TYW1B: variants seen among roughly 807,000 people sequenced by gnomAD.
TYW1B encodes the protein S-adenosyl-L-methionine-dependent tRNA 4-demethylwyosine synthase TYW1B.
In TYW1B, 73 loss-of-function variants were observed where a neutral mutation model predicts 86.9. That is an observed-to-expected ratio of 0.84 (90% CI 0.70 to 1.02). The LOEUF (loss-of-function observed/expected upper bound fraction) is 1.02. TYW1B is among the 50% of genes least tolerant of loss of function. The pLI, the probability that TYW1B is intolerant of heterozygous loss-of-function variation, is 0.00. For synonymous variants in TYW1B, 248 were observed against 292.8 expected, an observed-to-expected ratio of 0.85 and a Z score of 1.56; for missense variants, 637 against 827.4, an observed-to-expected ratio of 0.77 and a Z score of 2.82.
At chr7:72,815,757 C>T (rs1788711342) in intron 2 of TYW1B, among the ~76,000 whole-genome samples, 2 of 152,150 alleles carry the variant, frequency 1.3e-5, no homozygotes, top group South Asian at 4.1e-4. Flanking sequence ...ATAAACATAT[C>T]AGCCAGGCAA....
chr7:72,757,949 G>A lies in TYW1B; in HGVS notation c.965-13348C>T, dbSNP rs181937917. On this transcript the variant is annotated intron_variant, in intron 7 of 13. Coordinates refer to ENST00000620995, the MANE Select transcript of TYW1B (RefSeq NM_001145440.3). ...TTTCCTTTATAGCTGGGTGTAGGCC[G>A]GGCGTGGTGGCTCATGCCAGCACTT... Among the ~76,000 whole-genome samples the A allele has an allele frequency of 1.1e-4, 16 of 152,126 alleles. No individual in the cohort carries two copies. The East Asian group carries it at 1.2e-3, about 11-fold the overall frequency.
At chr7:72,601,148 TA>T (rs71517344) in intron 13 of TYW1B, among the ~76,000 whole-genome samples, 66,084 of 144,898 alleles carry the variant, frequency 0.46, 16,316 homozygotes, top group African/African-American at 0.69. Flanking sequence ...TCTCAAAATA[TA>T]AAAAAAAAAA....
chr7:72,621,019 C>T (rs1355750898), intron 12 of TYW1B, among the ~76,000 whole-genome samples: 1 of 152,182 alleles, frequency 6.6e-6, no homozygotes, highest in Non-Finnish European at 1.5e-5. Flanking sequence ...CCCCACTGCC[C>T]TAGGAGATGG....
At chr7:72,667,796 G>A (rs1813504147) in intron 11 of TYW1B, among the ~76,000 whole-genome samples, 1 of 152,208 alleles carries the variant, frequency 6.6e-6, no homozygotes, top group African/African-American at 2.4e-5. Context: ...CCTGTATTTG[G>A]AAGAGATGTC....
At chr7:72,743,722 T>C (rs1433642554) in intron 8 of TYW1B, among the ~76,000 whole-genome samples, 1 of 151,628 alleles carries the variant, frequency 6.6e-6, no homozygotes, top group African/African-American at 2.4e-5. Flanking sequence ...TGCACACCTG[T>C]AGTCCCAGCT....
At chr7:72,693,279 G>A (rs1234482943) in intron 11 of TYW1B, among the ~76,000 whole-genome samples, 3 of 152,068 alleles carry the variant, frequency 2.0e-5, no homozygotes, top group Admixed American at 2.0e-4. Context: ...AAACACACAA[G>A]AAAGGCCAAA....
At chr7:72,735,772 A>C (rs1421290318) in intron 8 of TYW1B, among the ~76,000 whole-genome samples, 8 of 151,300 alleles carry the variant, frequency 5.3e-5, no homozygotes, top group Admixed American at 2.6e-4. Flanking sequence ...TGGGAGGCTG[A>C]GGGACAAGAA....
At chr7:72,576,543 C>A (rs1368599747) in intron 13 of TYW1B, among the ~76,000 whole-genome samples, 57 of 141,944 alleles carry the variant, frequency 4.0e-4, no homozygotes, top group Non-Finnish European at 1.2e-4. Flanking sequence ...GACGGAGTCT[C>A]GCTCTGTAGC....
intron 11 of TYW1B, among the ~76,000 whole-genome samples, chr7:72,659,833 C>T (rs1471871976): frequency 1.3e-5 from 2 of 152,164 alleles, no homozygotes; most frequent in African/African-American, 2.4e-5. Flanking sequence ...CAAGGTGAAA[C>T]AGCACTGCAT....
At chr7:72,655,817 T>C (rs1355946031) in intron 11 of TYW1B, among the ~76,000 whole-genome samples, 5 of 152,122 alleles carry the variant, frequency 3.3e-5, no homozygotes, top group African/African-American at 7.2e-5. Context: ...CTGCACACAC[T>C]GTCCAGGAGC....
At chr7:72,811,211 T>C (rs13224524) in intron 3 of TYW1B, among the ~76,000 whole-genome samples, 8,526 of 141,852 alleles carry the variant, frequency 0.06, 569 homozygotes, top group East Asian at 0.33. Flanking sequence ...GCAGAGCTTG[T>C]AGTGAGCCGA....
intron 11 of TYW1B, among the ~76,000 whole-genome samples, chr7:72,629,393 A>G (rs1282858518): frequency 1.3e-5 from 2 of 152,222 alleles, no homozygotes; most frequent in African/African-American, 4.8e-5. Flanking sequence ...GTTGTTAGTG[A>G]CAAGAATTGT....
chr7:72,745,071 C>A (rs1271355552), intron 7 of TYW1B, among the ~76,000 whole-genome samples: 5 of 152,228 alleles, frequency 3.3e-5, no homozygotes, highest in Admixed American at 3.3e-4. Context: ...GTTCCTCAGG[C>A]TGCAGTGCAG....
At chr7:72,813,625 G>C (rs782136003) in intron 3 of TYW1B, among the ~76,000 whole-genome samples, 31 of 152,190 alleles carry the variant, frequency 2.0e-4, no homozygotes, top group Non-Finnish European at 3.8e-4. Flanking sequence ...CACACTTTGA[G>C]AACCACTGCT....
At chr7:72,601,255 G>C (rs540358490) in intron 13 of TYW1B, among the ~76,000 whole-genome samples, 2 of 151,694 alleles carry the variant, frequency 1.3e-5, no homozygotes, top group African/African-American at 4.8e-5. Context: ...CATATGAAAA[G>C]ATGCTCATCA....
chr7:72,603,333 TGG>T (rs60466981), intron 13 of TYW1B, among the ~76,000 whole-genome samples: 6,057 of 150,952 alleles, frequency 0.04, 398 homozygotes, highest in African/African-American at 0.14. Flanking sequence ...GATGGATGGA[TGG>T]ATGGATGGAT....
chr7:72,720,205 GTGTT>G (rs1786869858), intron 9 of TYW1B, among the ~76,000 whole-genome samples: 1 of 152,154 alleles, frequency 6.6e-6, no homozygotes, highest in Non-Finnish European at 1.5e-5. Context: ...TTTCTACAAA[GTGTT>G]TGGCTCCAGC....
chr7:72,686,812 G>A (rs1814017172), intron 11 of TYW1B, among the ~76,000 whole-genome samples: 1 of 152,022 alleles, frequency 6.6e-6, no homozygotes, highest in South Asian at 2.1e-4. Flanking sequence ...GAATAGGGGG[G>A]ATATGGAAAA....
intron 7 of TYW1B, among the ~76,000 whole-genome samples, chr7:72,772,483 T>C (rs2844116): frequency 6.6e-6 from 1 of 152,280 alleles, no homozygotes; most frequent in East Asian, 1.9e-4. Context: ...CAAAGTAATG[T>C]TGACCCAAAG....
Sources: gnomAD v4.1 joint callset for allele counts (sites outside exome capture counted in the v4.1 genomes callset) on GRCh38, gnomAD v4.1.1 for gene constraint, MANE v1.5 for transcripts, NCBI Gene and HGNC (gene_info 2026-07-23, HGNC 2026-07-21) for gene names.